Variants in KCNQ5 observed in about 807,000 individuals in gnomAD.
KCNQ5 encodes the protein potassium voltage-gated channel subfamily KQT member 5.
In KCNQ5, 30 loss-of-function variants were observed where a neutral mutation model predicts 98.2. That is an observed-to-expected ratio of 0.31 (90% CI 0.23 to 0.41). KCNQ5 has a LOEUF of 0.41. Among genes scored for constraint, KCNQ5 ranks in the 10% least tolerant of loss-of-function variants. The probability of loss-of-function intolerance (pLI) is 1.00; values close to 1 mark genes in which losing one functional copy is unlikely to be tolerated. For missense variants in KCNQ5, 835 were observed against 1,182.5 expected (o/e 0.71, Z 4.31); for synonymous variants, 458 against 449.4 (o/e 1.02, Z -0.24).
intron 1 of KCNQ5, among the ~76,000 whole-genome samples, chr6:72,774,628 C>T (rs564953723): frequency 6.6e-6 from 1 of 152,142 alleles, no homozygotes; most frequent in South Asian, 2.1e-4. Flanking sequence ...CACACACACA[C>T]ACCCTACAGA....
At chr6:72,887,824 T>A (rs748810051) in intron 1 of KCNQ5, among the ~76,000 whole-genome samples, 1 of 151,976 alleles carries the variant, frequency 6.6e-6, no homozygotes, top group East Asian at 1.9e-4. Flanking sequence ...AAAACCTAAT[T>A]AGCTTGAAAA....
intron 9 of KCNQ5, among the ~76,000 whole-genome samples, chr6:73,125,802 G>A (rs974688375): frequency 4.7e-5 from 7 of 148,342 alleles, no homozygotes; most frequent in Admixed American, 2.7e-4. Flanking sequence ...CCCAAGGGAT[G>A]GCATTAAAGT....
Position 72,622,640 on chromosome 6 carries a change from C to T in KCNQ5, c.398+53C>T, listed in dbSNP as rs1162651492. ...CGCTGCAGGGGACCACTGTCCCTGG[C>T]CCCCTGGGGCGTGCTCCGCGCTCGC... On this transcript the variant is annotated intron_variant, in intron 1 of 13. Coordinates refer to ENST00000370398, the MANE Select transcript of KCNQ5 (RefSeq NM_019842.4). This position sits in a 1 kb window ranked among gnomAD's most constrained non-coding sequence, Gnocchi z 6.0. 1.3e-5 allele frequency: 20 copies of T among 1,591,630 alleles called. No individual in the cohort carries two copies. The highest frequency in any genetic ancestry group is 4.5e-5 in the East Asian group (2 of 44,090).
At chr6:72,745,870 C>T (rs1364081777) in intron 1 of KCNQ5, among the ~76,000 whole-genome samples, 1 of 152,046 alleles carries the variant, frequency 6.6e-6, no homozygotes, top group African/African-American at 2.4e-5. Flanking sequence ...CCTAGCAATC[C>T]TTGACCTGTG....
chr6:72,893,035 A>G, intron 1 of KCNQ5, among the ~76,000 whole-genome samples: 1 of 152,304 alleles, frequency 6.6e-6, no homozygotes, highest in South Asian at 2.1e-4. Flanking sequence ...AGAACATTCC[A>G]TATTGTGTAA....
intron 2 of KCNQ5, among the ~76,000 whole-genome samples, chr6:73,033,840 G>C (rs1771267956): frequency 6.6e-6 from 1 of 151,774 alleles, no homozygotes; most frequent in Admixed American, 6.6e-5. Context: ...CTCAACACCA[G>C]GTCAAATTAG....
chr6:72,879,779 C>G (rs1036294862), intron 1 of KCNQ5, among the ~76,000 whole-genome samples: 1 of 151,788 alleles, frequency 6.6e-6, no homozygotes, highest in East Asian at 1.9e-4. Flanking sequence ...TTTTTAAAGT[C>G]TAATTTATTT....
chr6:72,971,768 C>T (rs926405575), intron 1 of KCNQ5, among the ~76,000 whole-genome samples: 1 of 152,058 alleles, frequency 6.6e-6, no homozygotes, highest in African/African-American at 2.4e-5. Context: ...TGTTCTCACT[C>T]ATAGGTGGGA....
At chr6:72,707,889 T>A (rs1022134552) in intron 1 of KCNQ5, among the ~76,000 whole-genome samples, 2 of 152,138 alleles carry the variant, frequency 1.3e-5, no homozygotes, top group Non-Finnish European at 2.9e-5. Flanking sequence ...ATTTTTTTAT[T>A]TTGCAGGCTG....
intron 1 of KCNQ5, among the ~76,000 whole-genome samples, chr6:72,880,039 G>A (rs1245089332): frequency 6.6e-6 from 1 of 151,940 alleles, no homozygotes; most frequent in African/African-American, 2.4e-5. Flanking sequence ...GTCTAATCTT[G>A]GATCTTTACT....
intron 3 of KCNQ5, among the ~76,000 whole-genome samples, chr6:73,050,829 T>G (rs1243542306): frequency 6.6e-6 from 1 of 152,236 alleles, no homozygotes; most frequent in Non-Finnish European, 1.5e-5. Context: ...ATAAATGAAA[T>G]TGTAAAGTAG....
intron 10 of KCNQ5, among the ~76,000 whole-genome samples, chr6:73,168,746 C>T (rs1217771809): frequency 6.6e-6 from 1 of 152,122 alleles, no homozygotes; most frequent in African/African-American, 2.4e-5. Flanking sequence ...CACATAACTC[C>T]TCTTTCATGA....
intron 1 of KCNQ5, among the ~76,000 whole-genome samples, chr6:72,645,204 C>CAAAA (rs771967081): frequency 3.4e-5 from 4 of 117,146 alleles, no homozygotes; most frequent in South Asian, 2.6e-4. Flanking sequence ...ACCTTGTCAC[C>CAAAA]AAAAAAAAAC....
chr6:73,150,762 AG>A, intron 10 of KCNQ5, among the ~76,000 whole-genome samples: 1 of 151,940 alleles, frequency 6.6e-6, no homozygotes, highest in Middle Eastern at 3.4e-3. Flanking sequence ...CAATCCCAAA[AG>A]ATCACATATC....
At chr6:73,029,904 C>CA (rs56804434) in intron 2 of KCNQ5, among the ~76,000 whole-genome samples, 3,448 of 78,526 alleles carry the variant, frequency 0.044, 211 homozygotes, top group African/African-American at 0.099. Context: ...GACTCCGTCT[C>CA]AAAAAAAAAA....
At chr6:73,036,949 A>G (rs948181800) in intron 2 of KCNQ5, among the ~76,000 whole-genome samples, 1 of 152,218 alleles carries the variant, frequency 6.6e-6, no homozygotes, top group East Asian at 1.9e-4. Flanking sequence ...ACTGTTTTAC[A>G]TTCCCATCAG....
chr6:72,730,203 CTG>C (rs959021082), intron 1 of KCNQ5, among the ~76,000 whole-genome samples: 1 of 152,076 alleles, frequency 6.6e-6, no homozygotes, highest in Admixed American at 6.6e-5. Context: ...AGTGAATATT[CTG>C]TAGGACCTGC....
At chr6:73,042,196 T>C (rs1771743989) in intron 3 of KCNQ5, 134 bp downstream of exon 3, 9 of 1,023,412 alleles carry the variant, frequency 8.8e-6, no homozygotes, top group Non-Finnish European at 1.4e-5. Context: ...CACTCTTGTG[T>C]CTTGAAAATG....
At chr6:73,165,010 A>C (rs911649785) in intron 10 of KCNQ5, among the ~76,000 whole-genome samples, 1 of 151,366 alleles carries the variant, frequency 6.6e-6, no homozygotes, top group Non-Finnish European at 1.5e-5. Flanking sequence ...AGTGGGTCTC[A>C]CTCTGTTGCC....
Sources: allele counts gnomAD v4.1 joint callset (sites outside exome capture counted in the v4.1 genomes callset), GRCh38; gene constraint gnomAD v4.1.1; non-coding constraint Gnocchi (gnomAD v3.1); transcripts MANE v1.5; gene names NCBI Gene and HGNC (gene_info 2026-07-23, HGNC 2026-07-21).